The following RASA3 variants were observed in gnomAD, a reference collection of about 807,000 sequenced individuals.
The protein encoded by RASA3 is RAS p21 protein activator 3.
In RASA3, 73 loss-of-function variants were observed where a neutral mutation model predicts 110.0. The ratio of observed to expected loss-of-function variants is 0.66; its 90% CI spans 0.55 to 0.81. The LOEUF (loss-of-function observed/expected upper bound fraction) is 0.81, where lower values mean the gene tolerates loss of function less well. Among genes scored for constraint, RASA3 ranks in the 30% least tolerant of loss-of-function variants. The pLI, the probability that RASA3 is intolerant of heterozygous loss-of-function variation, is 0.00. For missense variants in RASA3, 976 were observed against 1,113.2 expected (o/e 0.88, Z 1.75); for synonymous variants, 500 against 451.4 (o/e 1.11, Z -1.37).
Position 113,981,860 on chromosome 13 carries a change from T to C in RASA3, c.2246-2A>G. 1 of 1,613,202 alleles carries C rather than the reference T, an allele frequency of 6.2e-7. No individual in the cohort carries two copies. The highest frequency in any genetic ancestry group is 8.5e-7 in the Non-Finnish European group (1 of 1,179,704). On this transcript the variant is annotated splice_acceptor_variant, in intron 22 of 23. Coordinates refer to ENST00000334062, the MANE Select transcript of RASA3 (RefSeq NM_007368.4). LOFTEE classifies it high-confidence loss of function. ...ACACAGATTTGCTCCCACAGGCCTC[T>C]GTGGAGGGCGGAGGGGTCAGCGCAG...
At chr13:113,981,925 G>A (rs2052945934) in intron 22 of RASA3, 67 bp from the exon 23 acceptor site, 30 of 1,487,788 alleles carry the variant, frequency 2.0e-5, no homozygotes, top group Non-Finnish European at 2.6e-5. Flanking sequence ...CCACACAGCT[G>A]CGTCGCTGCA....
At chr13:113,981,597 T>C in intron 23 of RASA3, 78 bp downstream of exon 23, 2 of 1,506,766 alleles carry the variant, frequency 1.3e-6, no homozygotes, top group Non-Finnish European at 1.8e-6. Flanking sequence ...ACCCGGGAGC[T>C]CCCTGCAGCC....
At chr13:113,995,715 AC>A (rs1243722441) in intron 21 of RASA3, among the ~76,000 whole-genome samples, 1 of 32,834 alleles carries the variant, frequency 3.0e-5, no homozygotes, top group African/African-American at 1.7e-4. Flanking sequence ...CTGACGGAGG[AC>A]CCAGCTGATG....
At chr13:114,050,931 A>C (rs1439677288) in intron 3 of RASA3, among the ~76,000 whole-genome samples, 1 of 152,218 alleles carries the variant, frequency 6.6e-6, no homozygotes, top group Non-Finnish European at 1.5e-5. Flanking sequence ...CAAACAGAGG[A>C]ACAGGGACGA....
intron 2 of RASA3, among the ~76,000 whole-genome samples, chr13:114,068,223 G>A (rs1406872697): frequency 1.3e-5 from 2 of 152,228 alleles, no homozygotes; most frequent in Non-Finnish European, 2.9e-5. Context: ...ACAGAAAGGG[G>A]GGGCCAGGGC....
chr13:114,055,178 G>GCC (rs2079222708), intron 2 of RASA3, among the ~76,000 whole-genome samples: 1 of 152,168 alleles, frequency 6.6e-6, no homozygotes, highest in Non-Finnish European at 1.5e-5. Flanking sequence ...ATGGGTGTGT[G>GCC]CATGCATGTG....
At chr13:114,117,786 A>AGCACGTGTGTGAGGGGT (rs2080312807) in intron 1 of RASA3, among the ~76,000 whole-genome samples, 1 of 99,722 alleles carries the variant, frequency 1.0e-5, no homozygotes, top group Non-Finnish European at 2.0e-5. Context: ...GTGTGAGGAG[A>AGCACGTGTGTGAGGGGT]GCACGTGTGT....
chr13:114,123,277 C>T (rs969478593), intron 1 of RASA3, among the ~76,000 whole-genome samples: 1 of 152,154 alleles, frequency 6.6e-6, no homozygotes, highest in Non-Finnish European at 1.5e-5. Flanking sequence ...GTGACAAGAT[C>T]AAGGCAAACT....
intron 3 of RASA3, among the ~76,000 whole-genome samples, chr13:114,043,538 C>G (rs1223801233): frequency 6.6e-6 from 1 of 152,136 alleles, no homozygotes; most frequent in South Asian, 2.1e-4. Context: ...CTCATGGGTT[C>G]CTAAGATCAG....
chr13:114,001,960 A>G (rs2053414704), intron 18 of RASA3, among the ~76,000 whole-genome samples: 1 of 152,272 alleles, frequency 6.6e-6, no homozygotes, highest in Non-Finnish European at 1.5e-5. Context: ...GCCACCGAGG[A>G]TGCAAGGCCT....
intron 21 of RASA3, among the ~76,000 whole-genome samples, chr13:113,994,611 G>A (rs1245865324): frequency 1.3e-5 from 2 of 152,078 alleles, no homozygotes; most frequent in Non-Finnish European, 2.9e-5. Flanking sequence ...ACACCACCCT[G>A]GGCAACATGG....
chr13:113,990,719 A>G (rs1221474512), intron 22 of RASA3, among the ~76,000 whole-genome samples: 2 of 151,478 alleles, frequency 1.3e-5, no homozygotes, highest in Non-Finnish European at 3.0e-5. Context: ...TTGTCTGCAC[A>G]TGTGTGTGCA....
At position 114,018,805 on chromosome 13, in the gene RASA3, G is replaced by A. The variant is rs943175641; in HGVS notation, c.900C>T (p.Tyr300=). 4 of 1,613,696 alleles carry A rather than the reference G, an allele frequency of 2.5e-6. No homozygotes were observed. The highest frequency in any genetic ancestry group is 3.3e-4 in the Middle Eastern group (2 of 6,062). ...TCAACAGCAGGTCCCGCAGAGGGCT[G>A]TAATAGTCAGAAGAAAACACGTGGT... ...TEDHVFSSDY[Y]SPLRDLLLKS... is the part of the protein sequence containing the mutation. Residue 300 remains tyrosine, a synonymous_variant, in exon 10 of 24, where the codon TAC becomes TAT. Coordinates refer to ENST00000334062, the MANE Select transcript of RASA3 (RefSeq NM_007368.4).
At position 114,087,270 on chromosome 13, in the gene RASA3, C is replaced by T. The variant is rs533349382; in HGVS notation, c.56-13433G>A. On this transcript the variant is annotated intron_variant, in intron 1 of 23. Coordinates refer to ENST00000334062, the MANE Select transcript of RASA3 (RefSeq NM_007368.4). ...GGAGTATTTATTCCCTTCGTCCTCG[C>T]GGGGAAATCACAGGAAGTGGTGAGT... Among the ~76,000 whole-genome samples, 66 of 146,790 alleles carry T rather than the reference C, an allele frequency of 4.5e-4. 2 individuals are homozygous for T. Among genetic ancestry groups the T allele is most frequent in the Admixed American group, 1.1e-3 (17 of 14,802 alleles).
At chr13:114,034,353 G>C (rs942134336) in intron 4 of RASA3, among the ~76,000 whole-genome samples, 1 of 152,280 alleles carries the variant, frequency 6.6e-6, no homozygotes, top group African/African-American at 2.4e-5. Flanking sequence ...ACATTCGGGA[G>C]CTTCAGGAAG....
chr13:114,062,902 A>G (rs2079385482), intron 2 of RASA3, among the ~76,000 whole-genome samples: 1 of 152,234 alleles, frequency 6.6e-6, no homozygotes, highest in Non-Finnish European at 1.5e-5. Context: ...CAGGCCACGC[A>G]CACAGAGGCC....
chr13:114,055,337 G>A (rs1383154437), intron 2 of RASA3, among the ~76,000 whole-genome samples: 1 of 152,244 alleles, frequency 6.6e-6, no homozygotes, highest in Non-Finnish European at 1.5e-5. Context: ...CAAGGCGCAG[G>A]GGTCGTGACC....
chr13:114,129,396 C>T (rs370347980), intron 1 of RASA3, among the ~76,000 whole-genome samples: 1 of 152,302 alleles, frequency 6.6e-6, no homozygotes, highest in East Asian at 1.9e-4. Flanking sequence ...TTCTACGTGG[C>T]GCTCTCCTCT....
intron 21 of RASA3, among the ~76,000 whole-genome samples, chr13:113,993,964 G>A (rs2053178946): frequency 6.6e-6 from 1 of 152,180 alleles, no homozygotes. Context: ...GCGCGGGGCT[G>A]TTATTTTTAG....
Sources: allele counts gnomAD v4.1 joint callset (sites outside exome capture counted in the v4.1 genomes callset), GRCh38; gene constraint gnomAD v4.1.1; transcripts MANE v1.5; gene names NCBI Gene and HGNC (gene_info 2026-07-23, HGNC 2026-07-21).